TTF2: variants seen among roughly 807,000 people sequenced by gnomAD.
TTF2 encodes the protein RNA polymerase II termination factor.
A neutral mutation model predicts 142.4 loss-of-function variants in TTF2; 108 were observed. That is an observed-to-expected ratio of 0.76 (90% CI 0.65 to 0.89). The LOEUF (loss-of-function observed/expected upper bound fraction) is 0.89. Ranked by LOEUF, TTF2 falls within the 40% of genes least tolerant of loss-of-function variation. The pLI, the probability that TTF2 is intolerant of heterozygous loss-of-function variation, is 0.00. For synonymous variants in TTF2, 483 were observed against 506.2 expected, an observed-to-expected ratio of 0.95 and a Z score of 0.61; for missense variants, 1,327 against 1,379.8, an observed-to-expected ratio of 0.96 and a Z score of 0.61.
rs1649564362 is a variant in TTF2, at chr1:117,101,354, G to T, written c.3345-26G>T. 3.2e-6 allele frequency: 5 copies of T among 1,560,744 alleles called. No individual in the cohort carries two copies. In the East Asian group the frequency reaches 6.8e-5, roughly 21 times the overall value. ...TGCTGCTTAGGGTTTTTGATAGTTT[G>T]CTTATTTTTTGTTTTTGTTTTTTAG... On this transcript the variant is annotated intron_variant, in intron 22 of 22. Transcript: ENST00000369466. The surrounding 1 kb of genome is among the most constrained non-coding windows in gnomAD (Gnocchi z 5.9).
Position 117,099,028 on chromosome 1 carries a change from C to A in TTF2, c.3344+121C>A. Reference sequence around the variant, plus strand: ...TTGGTGATGACTTTACTGATGATGCCCCTGAGGCATACCTTCAGGCAAACC... The same window carrying A: ...TTGGTGATGACTTTACTGATGATGCACCTGAGGCATACCTTCAGGCAAACC... On this transcript the variant is annotated intron_variant, in intron 22 of 22. Transcript: ENST00000369466. The surrounding 1 kb of genome is among the most constrained non-coding windows in gnomAD (Gnocchi z 4.3). 1.1e-6 allele frequency: 1 copy of A among 892,646 alleles called. No individual in the cohort carries two copies. Among genetic ancestry groups the A allele is most frequent in the Non-Finnish European group, 1.6e-6 (1 of 612,978 alleles). The allele number at this position is 892,646 out of a possible 1,614,324, so 55.3% of individuals were successfully genotyped here.
chr1:117,097,622 G>A lies in TTF2; in HGVS notation c.3269+189G>A, dbSNP rs1417507498. Among the ~76,000 whole-genome samples the A allele has an allele frequency of 6.6e-6, 1 of 152,192 alleles. No individual in the cohort carries two copies. Among genetic ancestry groups the A allele is most frequent in the Non-Finnish European group, 1.5e-5 (1 of 68,030 alleles). On this transcript the variant is annotated intron_variant, in intron 21 of 22. Coordinates refer to ENST00000369466, the MANE Select transcript of TTF2 (RefSeq NM_003594.4). This position sits in a 1 kb window ranked among gnomAD's most constrained non-coding sequence, Gnocchi z 4.1. ...CTAGCTGACTCCCCTGAATTCCTGAGCTAGCAAGCCTTCAAATGACTACTC... is the reference window on the plus strand; with the variant it reads ...CTAGCTGACTCCCCTGAATTCCTGAACTAGCAAGCCTTCAAATGACTACTC...
chr1:117,094,656 C>G, intron 18 of TTF2: 1 of 485,274 alleles, frequency 2.1e-6, no homozygotes, highest in Non-Finnish European at 4.3e-6. Flanking sequence ...AGGAGAGTAT[C>G]TTCTCTGTTT....
rs1649511674 is a variant in TTF2 at position 117,100,620 on chromosome 1, T to G, written c.3345-760T>G. ...CCTCCAATACACCATGCTCTGAAAC[T>G]CAGCCATGGTTTTGCACGTGTTCCC... On this transcript the variant is annotated intron_variant, in intron 22 of 22. Transcript: ENST00000369466. This position sits in a 1 kb window ranked among gnomAD's most constrained non-coding sequence, Gnocchi z 4.6. Among the ~76,000 whole-genome samples the G allele has an allele frequency of 6.6e-6, 1 of 152,222 alleles. No individual in the cohort carries two copies. Among genetic ancestry groups the G allele is most frequent in the Admixed American group, 6.5e-5 (1 of 15,286 alleles).
rs1312410991 is a variant in TTF2 at position 117,073,351 on chromosome 1, A to G, written c.219-310A>G. On this transcript the variant is annotated intron_variant, in intron 3 of 22. Coordinates refer to ENST00000369466, the MANE Select transcript of TTF2 (RefSeq NM_003594.4). The surrounding 1 kb of genome is among the most constrained non-coding windows in gnomAD (Gnocchi z 4.4). ...GACACACAGTGTCTGGCTGTCTCTCATTTCTCTGATTTTAGTAGCCATTGC... is the reference window on the plus strand; with the variant it reads ...GACACACAGTGTCTGGCTGTCTCTCGTTTCTCTGATTTTAGTAGCCATTGC... Among the ~76,000 whole-genome samples, 2 of 151,904 alleles carry G rather than the reference A, an allele frequency of 1.3e-5. No homozygotes were observed. Among genetic ancestry groups the G allele is most frequent in the African/African-American group, 4.8e-5 (2 of 41,318 alleles).
At position 117,060,331 on chromosome 1, in the gene TTF2, T is replaced by TG; in HGVS notation, c.-11dup. 1 of 1,594,694 alleles carries TG rather than the reference T, an allele frequency of 6.3e-7. No homozygotes were observed. Among genetic ancestry groups the TG allele is most frequent in the South Asian group, 1.1e-5 (1 of 88,682 alleles). On this transcript the variant is annotated 5_prime_UTR_variant, in exon 1 of 23. Transcript: ENST00000369466. ...ATTGGGGGCGGGGCTTTGTGGAACT[T>TG]GGGGGACCCAGCGAAATGGAAGAAG...
At position 117,082,834 on chromosome 1, in the gene TTF2, TAAATA is replaced by T. The variant is rs1379254056; in HGVS notation, c.1903+891_1903+895del. Among the ~76,000 whole-genome samples, 14 of 152,138 alleles carry T rather than the reference TAAATA, an allele frequency of 9.2e-5. No homozygotes were observed. In the East Asian group the frequency reaches 2.7e-3, roughly 30 times the overall value. ...CAAGACACTGTCTCTTAAAAAAAAT[TAAATA>T]AAAAGTAATAACTTTATAAGTACTT... On this transcript the variant is annotated intron_variant, in intron 10 of 22. Transcript: ENST00000369466.
rs1428183520 is a variant in TTF2 at position 117,070,149 on chromosome 1, T to C, written c.219-3512T>C. Among the ~76,000 whole-genome samples, 1 of 152,240 alleles carries C rather than the reference T, an allele frequency of 6.6e-6. No individual in the cohort carries two copies. Among genetic ancestry groups the C allele is most frequent in the Non-Finnish European group, 1.5e-5 (1 of 68,024 alleles). On this transcript the variant is annotated intron_variant, in intron 3 of 22. Coordinates refer to ENST00000369466, the MANE Select transcript of TTF2 (RefSeq NM_003594.4). This position sits in a 1 kb window ranked among gnomAD's most constrained non-coding sequence, Gnocchi z 4.2. ...CCTAGCACATAGCAGATGTTCAGTG[T>C]GTTTCTTTCCTTAGTTCTGCAAATC... is the stretch of plus-strand genomic sequence containing the variant.
intron 12 of TTF2, 100 bp from the exon 13 acceptor site, chr1:117,088,701 A>C (rs1185803811): frequency 7.4e-7 from 1 of 1,345,492 alleles, no homozygotes; most frequent in African/African-American, 1.5e-5. Flanking sequence ...TTTAAAGGTA[A>C]ATGTGGGTCC....
At position 117,098,911 on chromosome 1, in the gene TTF2, A is replaced by T. The variant is rs1003815684; in HGVS notation, c.3344+4A>T. On this transcript the variant is annotated splice_donor_region_variant and intron_variant, in intron 22 of 22. Transcript: ENST00000369466. ...AGAAAGATGTTGTCATACACAGGTA[A>T]GTAATGGTCCCCAGGACCCAGGACC... is the stretch of plus-strand genomic sequence containing the variant. 1 of 1,612,684 alleles carries T rather than the reference A, an allele frequency of 6.2e-7. No individual in the cohort carries two copies. Among genetic ancestry groups the T allele is most frequent in the African/African-American group, 1.3e-5 (1 of 74,782 alleles).
intron 3 of TTF2, among the ~76,000 whole-genome samples, chr1:117,071,346 C>A (rs1428844755): frequency 6.6e-6 from 1 of 151,558 alleles, no homozygotes; most frequent in Non-Finnish European, 1.5e-5. Context: ...CAAGGATCTT[C>A]CTTACATATA....
intron 2 of TTF2, 85 bp downstream of exon 2, chr1:117,060,642 A>C (rs1318619647): frequency 7.4e-7 from 1 of 1,356,920 alleles, no homozygotes; most frequent in African/African-American, 1.5e-5. Flanking sequence ...CGGGCGTCAC[A>C]GGGCCGAGGA....
chr1:117,075,661 T>G lies in TTF2; in HGVS notation c.1077T>G (p.Val359=), dbSNP rs529918292. The G allele has an allele frequency of 6.2e-7, 1 of 1,614,150 alleles. No individual in the cohort carries two copies. Among genetic ancestry groups the G allele is most frequent in the Non-Finnish European group, 8.5e-7 (1 of 1,180,004 alleles). Residue 359 remains valine, a synonymous_variant, in exon 5 of 23, where the codon GTT becomes GTG. Transcript: ENST00000369466. This position sits in a 1 kb window ranked among gnomAD's most constrained non-coding sequence, Gnocchi z 4.5. The part of the protein sequence containing the change: ...TSSDDEEEDD[V]VFVSSKPGSP... The stretch of plus-strand genomic sequence containing the variant: ...GTGACGACGAGGAGGAAGATGATGT[T>G]GTTTTTGTTTCCTCTAAGCCTGGGA...
At position 117,075,956 on chromosome 1, in the gene TTF2, T is replaced by G; in HGVS notation, c.1275+97T>G. ...GCTACAGAAGGGTTAAATATGTTCA[T>G]GTGAAGGTTTTATAGGTGCATGTTC... On this transcript the variant is annotated intron_variant, in intron 5 of 22. Coordinates refer to ENST00000369466, the MANE Select transcript of TTF2 (RefSeq NM_003594.4). The surrounding 1 kb of genome is among the most constrained non-coding windows in gnomAD (Gnocchi z 4.5). 6.7e-7 allele frequency: 1 copy of G among 1,482,838 alleles called. No individual in the cohort carries two copies. Among genetic ancestry groups the G allele is most frequent in the Non-Finnish European group, 9.0e-7 (1 of 1,116,742 alleles). 91.9% of individuals were successfully genotyped at this position (1,482,838 alleles called of 1,614,324 possible). A position where few individuals can be genotyped will look rare whatever the true frequency, so the allele number is the denominator to read the frequency against.
chr1:117,094,860 G>A, intron 18 of TTF2: 1 of 341,856 alleles, frequency 2.9e-6, no homozygotes, highest in Non-Finnish European at 5.7e-6. Flanking sequence ...CACCTAACCT[G>A]TACTTTGGGG....
Position 117,080,947 on chromosome 1 carries a change from C to T in TTF2, c.1784-881C>T, listed in dbSNP as rs555744565. ...CAAGGTTTTTATTGGGGGCTGGTTA[C>T]TTCAGCTGGTTACACAGGTGGCTTC... On this transcript the variant is annotated intron_variant, in intron 9 of 22. Transcript: ENST00000369466. The surrounding 1 kb of genome is among the most constrained non-coding windows in gnomAD (Gnocchi z 4.3). Among the ~76,000 whole-genome samples the T allele has an allele frequency of 6.6e-6, 1 of 152,196 alleles. No homozygotes were observed. The highest frequency in any genetic ancestry group is 1.5e-5 in the Non-Finnish European group (1 of 68,030).
chr1:117,087,733 G>C lies in TTF2; in HGVS notation c.2161-1068G>C, dbSNP rs1224671909. Among the ~76,000 whole-genome samples the C allele has an allele frequency of 5.9e-5, 9 of 152,160 alleles. No homozygotes were observed. Among genetic ancestry groups the C allele is most frequent in the Admixed American group, 3.3e-4 (5 of 15,278 alleles). On this transcript the variant is annotated intron_variant, in intron 12 of 22. Transcript: ENST00000369466. The surrounding 1 kb of genome is among the most constrained non-coding windows in gnomAD (Gnocchi z 4.8). ...CATGCTCTGTCACAGTGTTGTGTCTGTTCTCCCTCCGAATGAAACGCTTTG... is the reference window on the plus strand; with the variant it reads ...CATGCTCTGTCACAGTGTTGTGTCTCTTCTCCCTCCGAATGAAACGCTTTG...
rs1306943790 is a variant in TTF2 at position 117,087,263 on chromosome 1, C to G, written c.2160+741C>G. On this transcript the variant is annotated intron_variant, in intron 12 of 22. Coordinates refer to ENST00000369466, the MANE Select transcript of TTF2 (RefSeq NM_003594.4). The surrounding 1 kb of genome is among the most constrained non-coding windows in gnomAD (Gnocchi z 4.8). The stretch of plus-strand genomic sequence containing the variant: ...GTTTTCCATTGCTTTTGGGATAAAC[C>G]CTAAATTTCTTTTCATGATGTATTA... Among the ~76,000 whole-genome samples the G allele has an allele frequency of 6.6e-6, 1 of 151,928 alleles. No homozygotes were observed. The highest frequency in any genetic ancestry group is 1.5e-5 in the Non-Finnish European group (1 of 67,976).
chr1:117,065,927 A>C (rs1425089645), intron 3 of TTF2, among the ~76,000 whole-genome samples: 1 of 151,658 alleles, frequency 6.6e-6, no homozygotes, highest in Non-Finnish European at 1.5e-5. Flanking sequence ...CAGATTAGAA[A>C]GTGAAAATAG....
Sources: allele counts gnomAD v4.1 joint callset (sites outside exome capture counted in the v4.1 genomes callset), GRCh38; gene constraint gnomAD v4.1.1; non-coding constraint Gnocchi (gnomAD v3.1); transcripts MANE v1.5; gene names NCBI Gene and HGNC (gene_info 2026-07-23, HGNC 2026-07-21).